The following NAV2 variants were observed in gnomAD, a reference collection of about 807,000 sequenced individuals.
NAV2 encodes the protein neuron navigator 2, also known as helicase, APC down-regulated 1.
Under a neutral mutation model 223.2 loss-of-function variants are expected in NAV2, and 54 were observed. That is an observed-to-expected ratio of 0.24 (90% CI 0.19 to 0.30). The LOEUF is 0.30. NAV2 is among the 10% of genes least tolerant of loss of function. The probability of loss-of-function intolerance (pLI) is 1.00; values close to 1 mark genes in which losing one functional copy is unlikely to be tolerated. For missense variants in NAV2, 2,806 were observed against 3,147.5 expected, an observed-to-expected ratio of 0.89 and a Z score of 2.60; for synonymous variants, 1,279 against 1,239.3, an observed-to-expected ratio of 1.03 and a Z score of -0.67.
intron 1 of NAV2, among the ~76,000 whole-genome samples, chr11:19,659,953 C>CTATTAT (rs144868564): frequency 2.1e-3 from 311 of 151,006 alleles, no homozygotes; most frequent in Admixed American, 3.4e-3. Context: ...CACAAAAGAA[C>CTATTAT]TATTATTATT....
At chr11:19,511,881 C>T (rs926585366) in intron 1 of NAV2, among the ~76,000 whole-genome samples, 4 of 152,206 alleles carry the variant, frequency 2.6e-5, no homozygotes, top group Non-Finnish European at 5.9e-5. Context: ...ACCAGCCTTT[C>T]CCTCCTGACC....
chr11:19,436,109 G>C (rs1783990836), intron 1 of NAV2, among the ~76,000 whole-genome samples: 1 of 152,020 alleles, frequency 6.6e-6, no homozygotes, highest in South Asian at 2.1e-4. Context: ...CGTTGCCTAT[G>C]ATTTTGGGGT....
intron 1 of NAV2, among the ~76,000 whole-genome samples, chr11:19,592,421 T>C (rs963849271): frequency 5.3e-5 from 8 of 152,176 alleles, no homozygotes; most frequent in South Asian, 2.1e-4. Context: ...CAGAATTTTT[T>C]ATTCCTCCAT....
intron 3 of NAV2, among the ~76,000 whole-genome samples, chr11:19,860,009 C>CAA: frequency 7.7e-6 from 1 of 129,950 alleles, no homozygotes; most frequent in African/African-American, 3.0e-5. Context: ...ACCCCCCCTC[C>CAA]CTCCCGGATG....
chr11:20,037,431 C>G, intron 12 of NAV2, among the ~76,000 whole-genome samples: 1 of 150,588 alleles, frequency 6.6e-6, no homozygotes, highest in South Asian at 2.1e-4. Context: ...GAAATGGAAA[C>G]GTTTAATGCC....
intron 10 of NAV2, among the ~76,000 whole-genome samples, chr11:19,952,752 G>A (rs2047504326): frequency 6.6e-6 from 1 of 152,184 alleles, no homozygotes; most frequent in South Asian, 2.1e-4. Context: ...GTGTGTGCAT[G>A]TGCACCTGTG....
At chr11:19,503,252 G>T (rs1411397468) in intron 1 of NAV2, 5 of 152,102 alleles carry the variant, frequency 3.3e-5, no homozygotes, top group African/African-American at 1.2e-4. Context: ...ATCGATATCT[G>T]TCACCAAAGT....
At chr11:19,830,850 C>T (rs965495570) in intron 1 of NAV2, among the ~76,000 whole-genome samples, 2 of 152,122 alleles carry the variant, frequency 1.3e-5, no homozygotes, top group South Asian at 2.1e-4. Context: ...GGGTCTACTT[C>T]CTGAGCCTTC....
intron 1 of NAV2, among the ~76,000 whole-genome samples, chr11:19,472,805 G>C (rs2042004365): frequency 6.6e-6 from 1 of 152,140 alleles, no homozygotes; most frequent in South Asian, 2.1e-4. Context: ...AAGTTTCAGT[G>C]GTAAAACCAT....
chr11:20,105,755 C>T (rs147894239), intron 35 of NAV2, 28 bp downstream of exon 35: 17 of 1,583,864 alleles, frequency 1.1e-5, no homozygotes, highest in Admixed American at 3.4e-5. Context: ...GTCAGGGGGG[C>T]GGGCTGGCAT....
At chr11:20,109,758 T>C (rs1317093610) in intron 36 of NAV2, among the ~76,000 whole-genome samples, 2 of 152,214 alleles carry the variant, frequency 1.3e-5, no homozygotes, top group Admixed American at 1.3e-4. Flanking sequence ...TTGCTCTAAA[T>C]GTGGTCTTCT....
At chr11:20,095,909 G>T in intron 30 of NAV2, 142 bp downstream of exon 30, 1 of 696,320 alleles carries the variant, frequency 1.4e-6, no homozygotes, top group Non-Finnish European at 2.6e-6. Context: ...GCTGGAACTT[G>T]TTCCCTGGCT....
intron 12 of NAV2, among the ~76,000 whole-genome samples, chr11:20,043,688 C>A (rs959644488): frequency 6.6e-6 from 1 of 152,140 alleles, no homozygotes; most frequent in Admixed American, 6.6e-5. Context: ...GTGATCCTCC[C>A]GCCTCAGCCT....
At chr11:20,103,515 G>A in intron 33 of NAV2, 106 bp downstream of exon 33, 3 of 1,499,210 alleles carry the variant, frequency 2.0e-6, no homozygotes, top group Non-Finnish European at 2.8e-6. Flanking sequence ...GTGAAGCTGT[G>A]CACACGCATA....
intron 1 of NAV2, among the ~76,000 whole-genome samples, chr11:19,691,408 T>C (rs111369920): frequency 2.0e-3 from 302 of 152,338 alleles, no homozygotes; most frequent in African/African-American, 6.9e-3. Context: ...CTAAATACCA[T>C]GTGCATTTTG....
At chr11:19,474,922 C>T (rs751577877) in intron 1 of NAV2, among the ~76,000 whole-genome samples, 3 of 152,202 alleles carry the variant, frequency 2.0e-5, no homozygotes, top group Non-Finnish European at 4.4e-5. Context: ...AAGGCTGAGA[C>T]GCGGTAAGCT....
At chr11:19,971,465 G>A (rs1198745041) in intron 10 of NAV2, among the ~76,000 whole-genome samples, 2 of 152,124 alleles carry the variant, frequency 1.3e-5, no homozygotes, top group African/African-American at 2.4e-5. Context: ...CCCAAAGAGA[G>A]AGCTGTGAGA....
At chr11:19,814,602 T>C (rs1027350687) in intron 1 of NAV2, among the ~76,000 whole-genome samples, 2 of 152,152 alleles carry the variant, frequency 1.3e-5, no homozygotes, top group Non-Finnish European at 2.9e-5. Flanking sequence ...TGTGTGGCGC[T>C]CTGGTTTTAC....
intron 1 of NAV2, among the ~76,000 whole-genome samples, chr11:19,692,030 G>A (rs1422424312): frequency 6.6e-6 from 1 of 152,242 alleles, no homozygotes; most frequent in Non-Finnish European, 1.5e-5. Context: ...CATTGACCAT[G>A]AGAGACACAG....
Sources: gnomAD v4.1 joint callset for allele counts (sites outside exome capture counted in the v4.1 genomes callset) on GRCh38, gnomAD v4.1.1 for gene constraint, MANE v1.5 for transcripts, NCBI Gene and HGNC (gene_info 2026-07-23, HGNC 2026-07-21) for gene names.